Variants in XCR1 observed in about 807,000 individuals in gnomAD.
The protein encoded by XCR1 is chemokine XC receptor 1.
For missense variants in XCR1, 356 were observed against 424.2 expected (o/e 0.84, Z 1.41); for synonymous variants, 187 against 188.5 (o/e 0.99, Z 0.06).
Position 46,045,389 on chromosome 3 carries a change from GA to G in XCR1, c.-32+8530del, listed in dbSNP as rs529432150. On this transcript the variant is annotated intron_variant, in intron 5 of 5. Transcript: ENST00000683768. ...GCGCCAGAGTGAGACTCCATCTTGGGAAAAAAAAAAAGAAAGAATTAAATAC... is the reference window on the plus strand; with the variant it reads ...GCGCCAGAGTGAGACTCCATCTTGGGAAAAAAAAAAGAAAGAATTAAATAC... Among the ~76,000 whole-genome samples, 208 of 141,470 alleles carry G rather than the reference GA, an allele frequency of 1.5e-3. 3 individuals carry two copies. The South Asian group carries it at 0.034, about 23-fold the overall frequency. 92.8% of individuals were successfully genotyped at this position (141,470 alleles called of 152,430 possible).
chr3:46,023,148 G>A (rs963827629), intron 1 of XCR1: 2 of 383,298 alleles, frequency 5.2e-6, no homozygotes, highest in African/African-American at 2.2e-5. Context: ...GGCGCAGGGG[G>A]CGGGCCCGTG....
At chr3:46,070,401 TTG>T (rs1278982055) in intron 3 of XCR1, among the ~76,000 whole-genome samples, 1 of 152,160 alleles carries the variant, frequency 6.6e-6, no homozygotes, top group Non-Finnish European at 1.5e-5. Context: ...CTCACTATTA[TTG>T]TGTTATTGTC....
At chr3:46,080,990 G>A (rs776358173) in intron 1 of XCR1, among the ~76,000 whole-genome samples, 3 of 152,166 alleles carry the variant, frequency 2.0e-5, no homozygotes, top group African/African-American at 4.8e-5. Flanking sequence ...CAGGGTTATA[G>A]ATATGTTCTG....
intron 5 of XCR1, among the ~76,000 whole-genome samples, chr3:46,037,014 G>A (rs1418012828): frequency 6.6e-6 from 1 of 152,178 alleles, no homozygotes; most frequent in Non-Finnish European, 1.5e-5. Context: ...TTGGATGCCT[G>A]AGTCATTTCC....
chr3:46,039,770 G>A (rs1163111789), intron 5 of XCR1, among the ~76,000 whole-genome samples: 1 of 152,172 alleles, frequency 6.6e-6, no homozygotes, highest in East Asian at 1.9e-4. Flanking sequence ...GTAGGTCCAT[G>A]ATATTGCAAG....
chr3:46,082,027 C>T (rs1038541965), intron 1 of XCR1, among the ~76,000 whole-genome samples: 8 of 152,144 alleles, frequency 5.3e-5, no homozygotes, highest in Non-Finnish European at 1.2e-4. Context: ...ATATCAGGTA[C>T]TATTGGCCAA....
At chr3:46,054,068 G>T (rs1468447193) in exon 5 of XCR1, among the ~76,000 whole-genome samples, 2 of 152,040 alleles carry the variant, frequency 1.3e-5, no homozygotes, top group East Asian at 1.9e-4. Context: ...GGACCTAGGG[G>T]GACTGAACAA....
intron 1 of XCR1, among the ~76,000 whole-genome samples, chr3:46,082,303 G>A (rs1698382836): frequency 6.6e-6 from 1 of 151,734 alleles, no homozygotes; most frequent in Non-Finnish European, 1.5e-5. Context: ...CTATTGACTG[G>A]AATACTTATG....
intron 1 of XCR1, chr3:46,023,353 C>T: frequency 7.3e-7 from 1 of 1,371,790 alleles, no homozygotes; most frequent in African/African-American, 1.4e-5. Context: ...ACGAGCCGAC[C>T]GTTTATTAGC....
At chr3:46,040,252 G>A (rs35963269) in intron 5 of XCR1, among the ~76,000 whole-genome samples, 172 of 152,102 alleles carry the variant, frequency 1.1e-3, no homozygotes, top group Non-Finnish European at 1.1e-3. Context: ...TATAATTTTG[G>A]CTAAATAAAT....
chr3:46,033,876 T>C (rs1163736399), intron 5 of XCR1, among the ~76,000 whole-genome samples: 1 of 152,236 alleles, frequency 6.6e-6, no homozygotes. Context: ...AAATTCTGTA[T>C]ATATTTTATG....
At chr3:46,073,464 T>G (rs979585333) in intron 3 of XCR1, among the ~76,000 whole-genome samples, 10 of 152,254 alleles carry the variant, frequency 6.6e-5, no homozygotes, top group African/African-American at 1.9e-4. Flanking sequence ...GGCACACACC[T>G]GTAATCCCAG....
intron 5 of XCR1, among the ~76,000 whole-genome samples, chr3:46,049,037 A>G (rs1697689155): frequency 6.6e-6 from 1 of 152,240 alleles, no homozygotes; most frequent in African/African-American, 2.4e-5. Flanking sequence ...AGGTATCCCC[A>G]TATGAGCAAA....
chr3:46,067,664 A>G (rs1698100834), intron 3 of XCR1, among the ~76,000 whole-genome samples: 1 of 152,194 alleles, frequency 6.6e-6, no homozygotes, highest in African/African-American at 2.4e-5. Context: ...ACACATGATC[A>G]CTTTCTATTA....
chr3:46,062,680 CA>C (rs372527216), intron 4 of XCR1, among the ~76,000 whole-genome samples: 194 of 152,350 alleles, frequency 1.3e-3, no homozygotes, highest in African/African-American at 4.5e-3. Flanking sequence ...GAAATTCCAA[CA>C]GAACAGGAGC....
intron 2 of XCR1, among the ~76,000 whole-genome samples, chr3:46,075,329 AAC>A (rs1559495969): frequency 1.3e-5 from 2 of 150,110 alleles, no homozygotes; most frequent in Admixed American, 6.6e-5. Flanking sequence ...AAAAAAAAAA[AAC>A]AACAAAAATC....
chr3:46,049,957 T>A (rs1037959529), intron 5 of XCR1, among the ~76,000 whole-genome samples: 14 of 152,214 alleles, frequency 9.2e-5, no homozygotes, highest in African/African-American at 3.4e-4. Flanking sequence ...CAGGATCATA[T>A]CCCATAAGCA....
At chr3:46,030,631 T>C (rs1708377898), upstream of XCR1, among the ~76,000 whole-genome samples, 1 of 152,236 alleles carries the variant, frequency 6.6e-6, no homozygotes, top group Admixed American at 6.5e-5. Flanking sequence ...GATTATATGA[T>C]AATAATGGCA....
intron 1 of XCR1, among the ~76,000 whole-genome samples, chr3:46,076,940 G>C (rs1048804620): frequency 9.2e-5 from 14 of 152,152 alleles, no homozygotes; most frequent in African/African-American, 3.4e-4. Context: ...AGAGAGAAAA[G>C]AAACTTTTTA....
Sources: gnomAD v4.1 joint callset for allele counts (sites outside exome capture counted in the v4.1 genomes callset) on GRCh38, gnomAD v4.1.1 for gene constraint, MANE v1.5 for transcripts, NCBI Gene and HGNC (gene_info 2026-07-23, HGNC 2026-07-21) for gene names.